MSANTD7: variants seen among roughly 807,000 people sequenced by gnomAD.
MSANTD7 encodes the protein zinc finger and SCAN domain containing 29.
At chr10:14,842,806 C>T in the MSANTD7 span, 1 of 1,535,508 alleles carries the variant, frequency 6.5e-7, no homozygotes, top group Non-Finnish European at 8.7e-7. The surrounding 1 kb of genome is among the most constrained non-coding windows in gnomAD (Gnocchi z 5.2). Context: ...TACGAGAAAC[C>T]AGTGACCTTG....
chr10:14,843,976 T>C, the MSANTD7 span: 1 of 1,491,754 alleles, frequency 6.7e-7, no homozygotes, highest in Non-Finnish European at 8.8e-7. Flanking sequence ...TGGCTCCTTT[T>C]CTGTGTCCTC....
the MSANTD7 span, chr10:14,838,649 C>A: frequency 3.6e-6 from 2 of 559,376 alleles, no homozygotes; most frequent in East Asian, 3.3e-5. Flanking sequence ...TCCGGAAAGT[C>A]GTCTACTCCG....
the MSANTD7 span, chr10:14,838,706 A>C: frequency 2.6e-5 from 12 of 469,280 alleles, no homozygotes; most frequent in Non-Finnish European, 3.8e-5. Flanking sequence ...CCAGGGCGTC[A>C]TGGCGGCGGG....
the MSANTD7 span, chr10:14,843,574 G>C: frequency 6.4e-7 from 1 of 1,550,648 alleles, no homozygotes. Flanking sequence ...TGTTTCTGGT[G>C]GGGATAGGCC....
the MSANTD7 span, chr10:14,846,823 TAGG>T: frequency 8.1e-6 from 8 of 985,120 alleles, no homozygotes; most frequent in East Asian, 6.8e-4. Flanking sequence ...GATATTCAAG[TAGG>T]AGGAGGAAGA....
the MSANTD7 span, chr10:14,840,135 G>A: frequency 6.8e-7 from 1 of 1,467,042 alleles, no homozygotes; most frequent in South Asian, 1.6e-5. Context: ...AGTAATGAAA[G>A]TAAAGCAGAT....
At chr10:14,846,520 A>T in the MSANTD7 span, 1 of 985,404 alleles carries the variant, frequency 1.0e-6, no homozygotes, top group Non-Finnish European at 1.2e-6. Flanking sequence ...ACAGGGAGAC[A>T]GTGTGCAAGA....
chr10:14,845,657 A>C, the MSANTD7 span: 2 of 482,930 alleles, frequency 4.1e-6, no homozygotes, highest in Non-Finnish European at 5.4e-6. Context: ...GCAGTGGTGC[A>C]ATCTTGGCTC....
chr10:14,842,914 G>C, the MSANTD7 span: 5 of 1,114,824 alleles, frequency 4.5e-6, no homozygotes, highest in Middle Eastern at 4.1e-4. The surrounding 1 kb of genome is among the most constrained non-coding windows in gnomAD (Gnocchi z 5.2). Context: ...AGCTGTGTCT[G>C]TTTGGATAGT....
At chr10:14,840,487 G>A in the MSANTD7 span, among the ~76,000 whole-genome samples, 13 of 152,134 alleles carry the variant, frequency 8.5e-5, no homozygotes, top group African/African-American at 2.2e-4. Context: ...AAGACTTATT[G>A]ACAATGTGGT....
chr10:14,845,327 T>C, the MSANTD7 span: 608 of 985,252 alleles, frequency 6.2e-4, 1 homozygote, highest in African/African-American at 9.8e-3. Context: ...AGAGTGGGCA[T>C]GTTGGGGGAG....
the MSANTD7 span, chr10:14,842,344 T>C: frequency 3.5e-5 from 54 of 1,535,946 alleles, no homozygotes; most frequent in Non-Finnish European, 4.4e-5. This position sits in a 1 kb window ranked among gnomAD's most constrained non-coding sequence, Gnocchi z 5.2. Flanking sequence ...CACGAACTCT[T>C]CTCTCCATAC....
chr10:14,844,205 T>A, the MSANTD7 span: 1 of 1,148,870 alleles, frequency 8.7e-7, no homozygotes, highest in South Asian at 1.7e-5. Context: ...ATCCGTAAAA[T>A]GGGGATCAAT....
At chr10:14,840,216 G>A in the MSANTD7 span, 1 of 877,860 alleles carries the variant, frequency 1.1e-6, no homozygotes, top group Non-Finnish European at 1.6e-6. Context: ...TAAATTCTAA[G>A]CATAATGTGA....
chr10:14,844,466 A>G, the MSANTD7 span: 1 of 991,278 alleles, frequency 1.0e-6, no homozygotes, highest in Non-Finnish European at 1.2e-6. Context: ...AATTTTTAAA[A>G]TCCCTGTGTG....
At chr10:14,840,307 G>A in the MSANTD7 span, 4,264 of 324,062 alleles carry the variant, frequency 0.013, 189 homozygotes, top group African/African-American at 0.085. Context: ...CCAGTAGGCA[G>A]TGTCTTTTGA....
At chr10:14,840,937 C>A in the MSANTD7 span, among the ~76,000 whole-genome samples, 1 of 151,958 alleles carries the variant, frequency 6.6e-6, no homozygotes, top group Non-Finnish European at 1.5e-5. Flanking sequence ...TGGCATTATC[C>A]TAGGGGGTAA....
the MSANTD7 span, chr10:14,843,599 C>A: frequency 6.4e-7 from 1 of 1,550,576 alleles, no homozygotes; most frequent in Non-Finnish European, 8.7e-7. Flanking sequence ...ACCAGTGAGC[C>A]CCCTCCAAGG....
the MSANTD7 span, chr10:14,844,907 A>G: frequency 2.0e-6 from 2 of 985,430 alleles, no homozygotes; most frequent in Non-Finnish European, 2.4e-6. Context: ...TATACAGGGC[A>G]AGCCCTAGAA....
Sources: gnomAD v4.1 joint callset for allele counts (sites outside exome capture counted in the v4.1 genomes callset) on GRCh38, gnomAD v4.1.1 for gene constraint, Gnocchi (gnomAD v3.1) non-coding constraint, MANE v1.5 for transcripts, NCBI Gene and HGNC (gene_info 2026-07-23, HGNC 2026-07-21) for gene names.